The following ATP2B2 variants were observed in gnomAD, a reference collection of about 807,000 sequenced individuals.
The protein encoded by ATP2B2 is ATPase plasma membrane Ca2+ transporting 2.
Under a neutral mutation model 120.0 loss-of-function variants are expected in ATP2B2, and 15 were observed. The observed-to-expected ratio is 0.12, with a 90% confidence interval of 0.08 to 0.19. The LOEUF (loss-of-function observed/expected upper bound fraction) is 0.19. ATP2B2 is among the 10% of genes least tolerant of loss of function. The pLI is 1.00. For missense variants in ATP2B2, 1,045 were observed against 1,719.8 expected (o/e 0.61, Z 6.94); for synonymous variants, 694 against 700.3 (o/e 0.99, Z 0.14).
chr3:10,398,327 C>T (rs1017718447), intron 5 of ATP2B2, among the ~76,000 whole-genome samples: 1 of 152,228 alleles, frequency 6.6e-6, no homozygotes, highest in Admixed American at 6.5e-5. Flanking sequence ...GCTGATGTCT[C>T]CTGACATCTA....
At chr3:10,380,131 G>A (rs2061492399) in intron 8 of ATP2B2, among the ~76,000 whole-genome samples, 1 of 152,242 alleles carries the variant, frequency 6.6e-6, no homozygotes, top group South Asian at 2.1e-4. Context: ...TTCCATACCA[G>A]GGCCTGGTGC....
chr3:10,582,998 G>A (rs1414909176), intron 2 of ATP2B2, among the ~76,000 whole-genome samples: 2 of 152,224 alleles, frequency 1.3e-5, no homozygotes, highest in African/African-American at 4.8e-5. Context: ...GAACTTCCAT[G>A]TCAGCAGCAG....
chr3:10,587,309 T>C (rs1406320389), intron 2 of ATP2B2, among the ~76,000 whole-genome samples: 1 of 145,226 alleles, frequency 6.9e-6, no homozygotes, highest in Non-Finnish European at 1.5e-5. Context: ...TGTCTCAATA[T>C]ATATGTATAT....
At chr3:10,338,095 G>C (rs1182189322) in intron 22 of ATP2B2, 81 bp downstream of exon 22, 1 of 1,583,634 alleles carries the variant, frequency 6.3e-7, no homozygotes. Context: ...TGGGCCCTGG[G>C]GGGCAGCACA....
At chr3:10,616,387 G>A (rs1422660092) in intron 2 of ATP2B2, among the ~76,000 whole-genome samples, 1 of 152,174 alleles carries the variant, frequency 6.6e-6, no homozygotes, top group African/African-American at 2.4e-5. Flanking sequence ...AGGACTTAGA[G>A]GAAACCAGCC....
At chr3:10,349,981 GC>G in intron 16 of ATP2B2, 130 bp downstream of exon 16, 1 of 890,644 alleles carries the variant, frequency 1.1e-6, no homozygotes, top group South Asian at 1.6e-5. Context: ...ATAAGGCTGT[GC>G]CCAGGTGTGG....
chr3:10,336,291 C>T (rs1408937300), intron 22 of ATP2B2: 2 of 1,550,432 alleles, frequency 1.3e-6, no homozygotes, highest in African/African-American at 2.7e-5. Context: ...AAAGTATTGA[C>T]TACTTCAATC....
intron 1 of ATP2B2, among the ~76,000 whole-genome samples, chr3:10,487,057 AT>A (rs2065709000): frequency 6.6e-6 from 1 of 152,150 alleles, no homozygotes; most frequent in South Asian, 2.1e-4. Context: ...TTAGTTATTA[AT>A]GAGAACTCCT....
intron 1 of ATP2B2, among the ~76,000 whole-genome samples, chr3:10,465,811 T>C (rs2064712343): frequency 1.3e-5 from 2 of 152,172 alleles, no homozygotes; most frequent in Admixed American, 6.5e-5. Flanking sequence ...GGGTGCTAGG[T>C]TGGGGGGCGT....
In ATP2B2 at chr3:10,385,303, T is replaced by A. The variant is rs989534248; in HGVS notation, c.965A>T (p.Asn322Ile). ...LPAADGAAAS[N>I]AADSANASLV... The stretch of plus-strand genomic sequence containing the variant: ...GCTGGCATTCGCACTATCTGCAGCA[T>A]TTGAAGCTGCCGCACCGTCTGCTGC... Residue 322 changes from asparagine (N) to isoleucine (I), a missense_variant, in exon 8 of 23, where the codon AAT becomes ATT. By Grantham distance (149) the Asn-to-Ile change is moderately radical. Around this residue, in one of 11 missense-constraint regions of ATP2B2, gnomAD observed 145 missense variants for 202.0 expected, o/e 0.72. Transcript: ENST00000360273. The A allele has an allele frequency of 2.5e-6, 4 of 1,613,516 alleles. No homozygotes were observed. In the African/African-American group the frequency reaches 5.4e-5, roughly 22 times the overall value.
intron 1 of ATP2B2, among the ~76,000 whole-genome samples, chr3:10,475,135 GA>G (rs1162125075): frequency 2.0e-5 from 3 of 152,252 alleles, no homozygotes; most frequent in African/African-American, 7.2e-5. Flanking sequence ...TGGCCACACT[GA>G]ACATTTGCTG....
chr3:10,464,608 TCTC>T (rs892054445), intron 1 of ATP2B2, among the ~76,000 whole-genome samples: 5 of 152,146 alleles, frequency 3.3e-5, no homozygotes, highest in African/African-American at 1.2e-4. Context: ...CCCAGTGCAG[TCTC>T]CTCCTGGGAA....
At position 10,350,973 on chromosome 3, in the gene ATP2B2, C is replaced by T. The variant is rs2060563366; in HGVS notation, c.2137-396G>A. On this transcript the variant is annotated intron_variant, in intron 14 of 22. Coordinates refer to ENST00000360273, the MANE Select transcript of ATP2B2 (RefSeq NM_001001331.4). ...TGGCCAGGTGAACTTCTCTTTGCCT[C>T]ATCCACATACATAGTTCCTGCAAAC... 2.0e-5 allele frequency among the ~76,000 whole-genome samples: 3 copies of T among 152,202 alleles called. No individual in the cohort carries two copies. In the South Asian group the frequency reaches 6.2e-4, roughly 32 times the overall value.
At chr3:10,522,679 G>A (rs749397685) in intron 3 of ATP2B2, among the ~76,000 whole-genome samples, 35 of 152,230 alleles carry the variant, frequency 2.3e-4, no homozygotes, top group Non-Finnish European at 3.2e-4. Flanking sequence ...CCATCCGTTT[G>A]TCTGGGATCT....
At chr3:10,622,306 T>C (rs2069574766) in intron 1 of ATP2B2, among the ~76,000 whole-genome samples, 1 of 152,110 alleles carries the variant, frequency 6.6e-6, no homozygotes, top group Admixed American at 6.5e-5. Flanking sequence ...AGTGAATTTT[T>C]AATTATGGAA....
intron 2 of ATP2B2, among the ~76,000 whole-genome samples, chr3:10,606,707 G>A (rs561256882): frequency 6.6e-6 from 1 of 152,130 alleles, no homozygotes; most frequent in South Asian, 2.1e-4. Context: ...CAACGGTTTG[G>A]AGCACTAATG....
intron 22 of ATP2B2, chr3:10,332,202 T>C: frequency 3.0e-6 from 2 of 666,878 alleles, no homozygotes; most frequent in South Asian, 3.5e-5. Flanking sequence ...TTTCTCCCCC[T>C]AACAGTGCAA....
chr3:10,687,101 C>T (rs1438646831), intron 1 of ATP2B2, among the ~76,000 whole-genome samples: 1 of 152,196 alleles, frequency 6.6e-6, no homozygotes, highest in African/African-American at 2.4e-5. Context: ...AGAAAAGTTG[C>T]AACTACATGG....
At chr3:10,362,665 G>A (rs1414992377) in intron 12 of ATP2B2, among the ~76,000 whole-genome samples, 2 of 152,044 alleles carry the variant, frequency 1.3e-5, no homozygotes, top group East Asian at 1.9e-4. Flanking sequence ...GCACCTCCCC[G>A]GCTCCCATGG....
Sources: gnomAD v4.1 joint callset for allele counts (sites outside exome capture counted in the v4.1 genomes callset) on GRCh38, gnomAD v4.1.1 for gene constraint, gnomAD v4.1.1 regional missense constraint, MANE v1.5 for transcripts, NCBI Gene and HGNC (gene_info 2026-07-23, HGNC 2026-07-21) for gene names.